Variants in FANCA observed in about 807,000 individuals in gnomAD.
The protein encoded by FANCA is Fanconi anemia group A protein.
In FANCA, 236 loss-of-function variants were observed where a neutral mutation model predicts 194.3. The observed-to-expected ratio is 1.21, with a 90% confidence interval of 1.09 to 1.35. The LOEUF (loss-of-function observed/expected upper bound fraction) is 1.35. FANCA is among the 40% of genes most tolerant of loss of function. The pLI is 0.00. For synonymous variants in FANCA, 1,014 were observed against 715.8 expected (o/e 1.42, Z -6.65); for missense variants, 2,628 against 1,813.9 (o/e 1.45, Z -8.15).
chr16:89,740,654 A>C (rs920842296), intron 38 of FANCA, 150 bp downstream of exon 38: 24 of 650,386 alleles, frequency 3.7e-5, no homozygotes, highest in African/African-American at 1.7e-4. Flanking sequence ...AAAAAAAAAA[A>C]CCCACGGCCT....
At chr16:89,802,060 C>G (rs1462896508) in intron 8 of FANCA, among the ~76,000 whole-genome samples, 1 of 152,108 alleles carries the variant, frequency 6.6e-6, no homozygotes, top group African/African-American at 2.4e-5. Context: ...ACCTGTGTGC[C>G]CAACAAGAGA....
chr16:89,784,794 C>T, intron 15 of FANCA, 60 bp downstream of exon 15: 2 of 1,350,834 alleles, frequency 1.5e-6, no homozygotes, highest in South Asian at 1.2e-5. Context: ...CAAGGCAGTC[C>T]TCAGATGCAG....
At chr16:89,789,588 T>C (rs2040003057) in intron 14 of FANCA, among the ~76,000 whole-genome samples, 1 of 151,732 alleles carries the variant, frequency 6.6e-6, no homozygotes, top group Non-Finnish European at 1.5e-5. Flanking sequence ...CACAGGTGCT[T>C]ACCACCACAC....
Position 89,784,914 on chromosome 16 carries a change from C to A in FANCA, c.1410G>T (p.Leu470=). The A allele has an allele frequency of 6.2e-7, 1 of 1,614,190 alleles. No homozygotes were observed. Among genetic ancestry groups the A allele is most frequent in the Non-Finnish European group, 8.5e-7 (1 of 1,180,036 alleles). ...CTGACAAGAACGTAAACAGGAAGAC[C>A]AGGGCCTTCTTGCTGCAGCCATGGT... ...RGYHGCSKKA[L]VFLFTFLSEL... Residue 470 remains leucine, a synonymous_variant, in exon 15 of 43, where the codon CTG becomes CTT. Transcript: ENST00000389301.
chr16:89,756,377 C>T (rs978479087), intron 30 of FANCA, among the ~76,000 whole-genome samples: 3 of 152,150 alleles, frequency 2.0e-5, no homozygotes, highest in Non-Finnish European at 2.9e-5. Flanking sequence ...GCCTGTAATC[C>T]CAGCACTTTG....
At chr16:89,765,356 C>T (rs554494733) in intron 27 of FANCA, among the ~76,000 whole-genome samples, 23 of 149,144 alleles carry the variant, frequency 1.5e-4, no homozygotes, top group African/African-American at 5.3e-4. Flanking sequence ...AGTCCAGCCC[C>T]TGGGAGGGCA....
intron 2 of FANCA, among the ~76,000 whole-genome samples, 196 bp from the exon 3 acceptor site, chr16:89,814,809 C>T (rs895882792): frequency 6.6e-6 from 1 of 151,948 alleles, no homozygotes; most frequent in Non-Finnish European, 1.5e-5. Flanking sequence ...GGCATGGTGG[C>T]GCGTGCCTGT....
intron 21 of FANCA, among the ~76,000 whole-genome samples, chr16:89,774,786 A>G (rs2143384489): frequency 7.2e-6 from 1 of 138,214 alleles, no homozygotes; most frequent in African/African-American, 2.6e-5. Context: ...CTGCAGGTGG[A>G]AGGGGATCTA....
At chr16:89,788,398 T>G (rs1445174958) in intron 14 of FANCA, among the ~76,000 whole-genome samples, 2 of 150,950 alleles carry the variant, frequency 1.3e-5, no homozygotes, top group South Asian at 4.2e-4. Context: ...GAGGTGGGAG[T>G]TGCACTCCAG....
chr16:89,745,099 G>A (rs377732292), intron 35 of FANCA, 28 bp from the exon 36 acceptor site: 15 of 1,551,482 alleles, frequency 9.7e-6, no homozygotes, highest in South Asian at 1.2e-5. Flanking sequence ...GCACACAGAT[G>A]AGGGTGGCTG....
chr16:89,763,259 T>C (rs986271407), intron 28 of FANCA, among the ~76,000 whole-genome samples: 2 of 149,300 alleles, frequency 1.3e-5, no homozygotes, highest in East Asian at 4.0e-4. Flanking sequence ...AAAAAAAAAA[T>C]AATAATTTAA....
In FANCA at chr16:89,767,870, G is replaced by C. The variant is rs143112098; in HGVS notation, c.2505-633C>G. ...GTCGAGTTTTTAATTTTTTTTAGTA[G>C]AGACGGGGTTTCCCCATGTTGGACA... On this transcript the variant is annotated intron_variant, in intron 26 of 42. Transcript: ENST00000389301. Among the ~76,000 whole-genome samples the C allele has an allele frequency of 6.0e-3, 915 of 152,188 alleles. 11 individuals carry two copies. The highest frequency in any genetic ancestry group is 0.021 in the African/African-American group (871 of 41,528).
intron 3 of FANCA, among the ~76,000 whole-genome samples, chr16:89,812,810 C>A (rs1359881724): frequency 6.6e-6 from 1 of 150,392 alleles, no homozygotes; most frequent in Admixed American, 6.6e-5. Context: ...CGAGGCGGGT[C>A]GATCACGAGG....
rs1555575253 is a variant in FANCA at position 89,810,953 on chromosome 16, A to AG, written c.401dup (p.Val135CysfsTer46). The AG allele has an allele frequency of 5.0e-6, 8 of 1,614,030 alleles. No homozygotes were observed. The highest frequency in any genetic ancestry group is 1.3e-5 in the African/African-American group (1 of 74,938). ...CTCTCTGCTCCACAGTCAGCAGCAC[A>AG]GGGTGACTGGTCTCCGCTGGAGCCG... On this transcript the variant is annotated frameshift_variant, in exon 4 of 43. Transcript: ENST00000389301. LOFTEE classifies it high-confidence loss of function.
At chr16:89,748,338 GA>G (rs1281079747) in intron 33 of FANCA, among the ~76,000 whole-genome samples, 1 of 152,236 alleles carries the variant, frequency 6.6e-6, no homozygotes, top group African/African-American at 2.4e-5. Flanking sequence ...GTTGAGATTA[GA>G]AATAAATGAA....
At chr16:89,798,535 C>A in intron 10 of FANCA, 2 of 1,110,730 alleles carry the variant, frequency 1.8e-6, no homozygotes, top group Non-Finnish European at 2.2e-6. Context: ...CAAGACTTCA[C>A]TTCAAGGTCC....
At chr16:89,816,205 C>A in intron 1 of FANCA, 1 of 557,698 alleles carries the variant, frequency 1.8e-6, no homozygotes, top group Non-Finnish European at 3.3e-6. Flanking sequence ...GCAGGGGAGC[C>A]CGGGGACGGC....
At chr16:89,777,361 G>A (rs911391577) in intron 20 of FANCA, among the ~76,000 whole-genome samples, 3 of 152,192 alleles carry the variant, frequency 2.0e-5, no homozygotes, top group Middle Eastern at 3.2e-3. Flanking sequence ...CAGCCTGGGT[G>A]ACAGAGTGGG....
chr16:89,805,594 G>A (rs2040611582), intron 6 of FANCA, among the ~76,000 whole-genome samples: 1 of 152,050 alleles, frequency 6.6e-6, no homozygotes, highest in Non-Finnish European at 1.5e-5. Flanking sequence ...GAGTAGTTGG[G>A]ACAACAGGCG....
Sources: gnomAD v4.1 joint callset for allele counts (sites outside exome capture counted in the v4.1 genomes callset) on GRCh38, gnomAD v4.1.1 for gene constraint, MANE v1.5 for transcripts, NCBI Gene and HGNC (gene_info 2026-07-23, HGNC 2026-07-21) for gene names.